DSCAM: variants seen among roughly 807,000 people sequenced by gnomAD.
DSCAM encodes the protein cell adhesion molecule DSCAM.
Under a neutral mutation model 217.7 loss-of-function variants are expected in DSCAM, and 47 were observed. The ratio of observed to expected loss-of-function variants is 0.22; its 90% CI spans 0.17 to 0.28. DSCAM has a LOEUF of 0.28. Ranked by LOEUF, DSCAM falls within the 10% of genes least tolerant of loss-of-function variation. The pLI is 1.00. For synonymous variants in DSCAM, 1,056 were observed against 1,015.3 expected (o/e 1.04, Z -0.76); for missense variants, 2,080 against 2,618.3 (o/e 0.79, Z 4.49).
At chr21:40,127,535 G>A (rs2090107932) in intron 19 of DSCAM, among the ~76,000 whole-genome samples, 1 of 152,236 alleles carries the variant, frequency 6.6e-6, no homozygotes, top group Non-Finnish European at 1.5e-5. Context: ...GTGGCCTTCA[G>A]AGAATCCTCT....
chr21:40,250,921 T>G (rs536506127), intron 11 of DSCAM, among the ~76,000 whole-genome samples: 6 of 152,354 alleles, frequency 3.9e-5, no homozygotes, highest in Admixed American at 2.6e-4. Context: ...TTGGCGTCTT[T>G]CCCTGCTTAT....
At chr21:40,067,485 T>G (rs1285752656) in intron 27 of DSCAM, among the ~76,000 whole-genome samples, 1 of 152,230 alleles carries the variant, frequency 6.6e-6, no homozygotes, top group South Asian at 2.1e-4. Context: ...GTGGTGGAGA[T>G]CTTTCCTTTC....
At chr21:40,432,554 G>A (rs2075544729) in intron 3 of DSCAM, among the ~76,000 whole-genome samples, 1 of 152,160 alleles carries the variant, frequency 6.6e-6, no homozygotes, top group African/African-American at 2.4e-5. Flanking sequence ...CCCACGTAAA[G>A]TAACATTCAC....
chr21:40,529,753 G>A, intron 3 of DSCAM, among the ~76,000 whole-genome samples: 1 of 152,072 alleles, frequency 6.6e-6, no homozygotes, highest in Non-Finnish European at 1.5e-5. Flanking sequence ...TTTCTTTTTA[G>A]ATGAAATCTC....
intron 6 of DSCAM, among the ~76,000 whole-genome samples, chr21:40,345,818 GA>G (rs1004592742): frequency 1.3e-5 from 2 of 151,914 alleles, no homozygotes; most frequent in Admixed American, 1.3e-4. Flanking sequence ...TCATCTCTCA[GA>G]AGAGAGAAAA....
intron 3 of DSCAM, among the ~76,000 whole-genome samples, chr21:40,620,567 T>TG (rs1028875691): frequency 4.1e-5 from 6 of 145,830 alleles, no homozygotes; most frequent in African/African-American, 1.5e-4. Context: ...GAGAATATAA[T>TG]GGAAAAAAAG....
At chr21:40,461,475 G>T (rs953999922) in intron 3 of DSCAM, among the ~76,000 whole-genome samples, 4 of 152,144 alleles carry the variant, frequency 2.6e-5, no homozygotes, top group Non-Finnish European at 5.9e-5. Flanking sequence ...GAAGTTAAAT[G>T]ACCTGCTCCA....
intron 11 of DSCAM, among the ~76,000 whole-genome samples, chr21:40,192,707 T>C (rs188083838): frequency 3.1e-4 from 47 of 152,346 alleles, no homozygotes; most frequent in Non-Finnish European, 6.0e-4. Context: ...TTTTTTTCAC[T>C]AAGCATAATG....
At chr21:40,264,760 A>G (rs887849073) in intron 11 of DSCAM, among the ~76,000 whole-genome samples, 2 of 152,184 alleles carry the variant, frequency 1.3e-5, no homozygotes, top group African/African-American at 4.8e-5. Context: ...AAGGAAGTAA[A>G]ACTACCTCTG....
At position 40,369,118 on chromosome 21, in the gene DSCAM, G is replaced by A. The variant is rs530733676; in HGVS notation, c.636C>T (p.Ser212=). 26 of 1,610,112 alleles carry A rather than the reference G, an allele frequency of 1.6e-5. No individual in the cohort carries two copies. Among genetic ancestry groups the A allele is most frequent in the South Asian group, 1.1e-4 (10 of 89,840 alleles). The part of the protein sequence containing the change: ...RYTGETRQSN[S]ARLFVSDPAN... ...TTTTACCTGATACAAAAAGTCTGGC[G>A]CTGTTGCTCTGCCTCGTCTCTCCGG... The change falls in exon 4 of 33, where the codon AGC becomes AGT. Residue 212 remains serine, a synonymous_variant. Transcript: ENST00000400454.
At chr21:40,795,171 TATTGCCTGTCCACA>T (rs569470647) in intron 1 of DSCAM, among the ~76,000 whole-genome samples, 221 of 152,274 alleles carry the variant, frequency 1.5e-3, no homozygotes, top group Middle Eastern at 0.01. Flanking sequence ...CACATAAACT[TATTGCCTGTCCACA>T]ATTGCCTGGA....
At chr21:40,804,719 T>C (rs2091770747) in intron 1 of DSCAM, among the ~76,000 whole-genome samples, 1 of 152,250 alleles carries the variant, frequency 6.6e-6, no homozygotes. Flanking sequence ...GACATTTTTA[T>C]GGATTCTGTC....
intron 5 of DSCAM, 43 bp from the exon 6 acceptor site, chr21:40,347,988 C>T (rs768620318): frequency 1.9e-6 from 3 of 1,571,014 alleles, no homozygotes; most frequent in African/African-American, 2.7e-5. Flanking sequence ...ATAAAAACAT[C>T]ACTAGATAGC....
At chr21:40,269,594 C>T (rs1473040499) in intron 11 of DSCAM, among the ~76,000 whole-genome samples, 1 of 152,216 alleles carries the variant, frequency 6.6e-6, no homozygotes, top group Admixed American at 6.5e-5. Flanking sequence ...TTTATTCTCA[C>T]ATCTTTCTGG....
chr21:40,291,773 C>CA (rs2073895678), intron 10 of DSCAM, among the ~76,000 whole-genome samples: 1 of 152,216 alleles, frequency 6.6e-6, no homozygotes, highest in Non-Finnish European at 1.5e-5. Context: ...CGTCACCCCC[C>CA]AGGCATGCTC....
chr21:40,184,050 A>G (rs1000372), intron 14 of DSCAM, among the ~76,000 whole-genome samples: 50 of 152,178 alleles, frequency 3.3e-4, no homozygotes, highest in Non-Finnish European at 5.9e-4. Context: ...AGTGGGGTGC[A>G]GATAGTAAAT....
At chr21:40,400,382 T>C (rs1321379867) in intron 3 of DSCAM, among the ~76,000 whole-genome samples, 2 of 152,252 alleles carry the variant, frequency 1.3e-5, no homozygotes, top group Non-Finnish European at 2.9e-5. Context: ...TCTACCCTAA[T>C]AGAATGCTCA....
At chr21:40,507,176 C>G (rs558778653) in intron 3 of DSCAM, among the ~76,000 whole-genome samples, 18 of 152,214 alleles carry the variant, frequency 1.2e-4, no homozygotes, top group African/African-American at 4.1e-4. Context: ...ACTCGGGAAG[C>G]TGAGGCAGGA....
intron 3 of DSCAM, among the ~76,000 whole-genome samples, chr21:40,370,163 A>G (rs2123700322): frequency 6.6e-6 from 1 of 152,292 alleles, no homozygotes; most frequent in South Asian, 2.1e-4. Context: ...TGGCTGATAA[A>G]ACAAGTTGGA....
Sources: gnomAD v4.1 joint callset for allele counts (sites outside exome capture counted in the v4.1 genomes callset) on GRCh38, gnomAD v4.1.1 for gene constraint, MANE v1.5 for transcripts, NCBI Gene and HGNC (gene_info 2026-07-23, HGNC 2026-07-21) for gene names.